Variants in DRC8 observed in about 807,000 individuals in gnomAD.
DRC8 encodes dynein regulatory complex protein 8.
chr1:245,073,925 A>G, the DRC8 span, among the ~76,000 whole-genome samples: 1 of 152,346 alleles, frequency 6.6e-6, no homozygotes, highest in East Asian at 1.9e-4. Flanking sequence ...AAGAAAAGAA[A>G]ACTGCATTAT....
the DRC8 span, among the ~76,000 whole-genome samples, chr1:245,032,812 A>G: frequency 1.3e-5 from 2 of 152,114 alleles, no homozygotes; most frequent in Non-Finnish European, 2.9e-5. Flanking sequence ...TGTGTAAGCA[A>G]TACAAATCCA....
At chr1:245,077,339 T>G in the DRC8 span, among the ~76,000 whole-genome samples, 1 of 152,156 alleles carries the variant, frequency 6.6e-6, no homozygotes, top group Non-Finnish European at 1.5e-5. Context: ...TTAGAAAAAC[T>G]AATGGAATCC....
the DRC8 span, among the ~76,000 whole-genome samples, chr1:245,112,096 CAG>C: frequency 2.0e-5 from 3 of 152,322 alleles, no homozygotes; most frequent in South Asian, 4.1e-4. Context: ...GTTTTTTAGA[CAG>C]AGTTTCGCTC....
chr1:244,991,320 C>T, the DRC8 span, among the ~76,000 whole-genome samples: 31 of 152,248 alleles, frequency 2.0e-4, no homozygotes, highest in South Asian at 4.2e-4. Context: ...ACTATTCTCC[C>T]GGCATGTGGA....
chr1:245,053,110 G>A, the DRC8 span, among the ~76,000 whole-genome samples: 320 of 152,236 alleles, frequency 2.1e-3, no homozygotes, highest in African/African-American at 7.3e-3. Flanking sequence ...ATATTGTACA[G>A]TAAGTCTTCT....
chr1:245,097,288 A>G, the DRC8 span, among the ~76,000 whole-genome samples: 4 of 152,198 alleles, frequency 2.6e-5, no homozygotes, highest in Non-Finnish European at 5.9e-5. The surrounding 1 kb of genome is among the most constrained non-coding windows in gnomAD (Gnocchi z 5.0). Flanking sequence ...TGGGAGGCCA[A>G]GGTGGGTGGA....
At chr1:244,972,869 T>G in the DRC8 span, among the ~76,000 whole-genome samples, 1 of 151,864 alleles carries the variant, frequency 6.6e-6, no homozygotes, top group African/African-American at 2.4e-5. Flanking sequence ...ACTCATGTGC[T>G]GTATCTCATT....
chr1:245,112,219 C>T, the DRC8 span, among the ~76,000 whole-genome samples: 4,767 of 152,156 alleles, frequency 0.031, 199 homozygotes, highest in East Asian at 0.14. Flanking sequence ...GGATTACAGG[C>T]GCACGCCACC....
chr1:245,059,504 A>G, the DRC8 span: 1 of 1,489,892 alleles, frequency 6.7e-7, no homozygotes, highest in Non-Finnish European at 9.2e-7. Flanking sequence ...TCTGTGTGAG[A>G]GCTACTCCTT....
At chr1:245,032,329 T>C in the DRC8 span, among the ~76,000 whole-genome samples, 1 of 152,210 alleles carries the variant, frequency 6.6e-6, no homozygotes, top group Non-Finnish European at 1.5e-5. Flanking sequence ...GGAGCCAGGC[T>C]GTAAGTGCTG....
At chr1:245,001,593 G>T in the DRC8 span, among the ~76,000 whole-genome samples, 3 of 152,204 alleles carry the variant, frequency 2.0e-5, no homozygotes, top group Non-Finnish European at 4.4e-5. Context: ...ACTAGCCAGG[G>T]AGGTTTTCCT....
chr1:245,016,484 C>G, the DRC8 span, among the ~76,000 whole-genome samples: 1 of 152,168 alleles, frequency 6.6e-6, no homozygotes, highest in Non-Finnish European at 1.5e-5. Flanking sequence ...TCTCCCCCAC[C>G]CACGCCCAGC....
At chr1:245,041,942 A>T in the DRC8 span, among the ~76,000 whole-genome samples, 1 of 152,168 alleles carries the variant, frequency 6.6e-6, no homozygotes, top group Non-Finnish European at 1.5e-5. Flanking sequence ...AACCGAGAAA[A>T]TCAATTTCTG....
the DRC8 span, among the ~76,000 whole-genome samples, chr1:245,112,656 G>A: frequency 6.6e-6 from 1 of 152,048 alleles, no homozygotes; most frequent in Admixed American, 6.5e-5. Flanking sequence ...AATTCACATT[G>A]TCGTGCAGCC....
At chr1:245,090,372 T>C in the DRC8 span, among the ~76,000 whole-genome samples, 2 of 152,238 alleles carry the variant, frequency 1.3e-5, no homozygotes, top group Admixed American at 1.3e-4. Flanking sequence ...GAAATTTCGC[T>C]TCGATGTGTT....
chr1:244,985,352 G>T, the DRC8 span, among the ~76,000 whole-genome samples: 2 of 152,202 alleles, frequency 1.3e-5, no homozygotes, highest in Non-Finnish European at 2.9e-5. Flanking sequence ...GTACTTAGGT[G>T]TTCTAATTTC....
At chr1:245,071,902 A>G in the DRC8 span, among the ~76,000 whole-genome samples, 1 of 152,226 alleles carries the variant, frequency 6.6e-6, no homozygotes, top group Non-Finnish European at 1.5e-5. Context: ...TGAAAGACTG[A>G]TGCCACCACA....
the DRC8 span, among the ~76,000 whole-genome samples, chr1:245,100,475 G>T: frequency 1.3e-5 from 2 of 151,664 alleles, no homozygotes; most frequent in Non-Finnish European, 1.5e-5. Flanking sequence ...ATGAATAAAT[G>T]ACCTTAAAAA....
At chr1:244,977,648 A>G in the DRC8 span, among the ~76,000 whole-genome samples, 1 of 151,900 alleles carries the variant, frequency 6.6e-6, no homozygotes, top group Non-Finnish European at 1.5e-5. Context: ...TGCCTGTTAA[A>G]CTCTCTATTT....
Sources: gnomAD v4.1 joint callset for allele counts (sites outside exome capture counted in the v4.1 genomes callset) on GRCh38, gnomAD v4.1.1 for gene constraint, Gnocchi (gnomAD v3.1) non-coding constraint, MANE v1.5 for transcripts, NCBI Gene and HGNC (gene_info 2026-07-23, HGNC 2026-07-21) for gene names.